PSMG2: variants seen among roughly 807,000 people sequenced by gnomAD.
The protein encoded by PSMG2 is CD40 ligand-activated specific transcript 3.
In PSMG2, 21 loss-of-function variants were observed where a neutral mutation model predicts 31.5. That is an observed-to-expected ratio of 0.67 (90% CI 0.47 to 0.96). The LOEUF is 0.96. Among genes scored for constraint, PSMG2 ranks in the 40% least tolerant of loss-of-function variants. The probability of loss-of-function intolerance (pLI) is 0.00; values close to 1 mark genes in which losing one functional copy is unlikely to be tolerated. For missense variants in PSMG2, 318 were observed against 321.2 expected (o/e 0.99, Z 0.08); for synonymous variants, 120 against 110.4 (o/e 1.09, Z -0.54).
At chr18:12,708,003 CG>C (rs1353515747) in intron 2 of PSMG2, among the ~76,000 whole-genome samples, 4 of 152,064 alleles carry the variant, frequency 2.6e-5, no homozygotes, top group African/African-American at 4.8e-5. Flanking sequence ...AATTCATGAC[CG>C]GGTGCGTTGG....
At chr18:12,715,606 A>G (rs2040369071) in intron 3 of PSMG2, among the ~76,000 whole-genome samples, 1 of 151,894 alleles carries the variant, frequency 6.6e-6, no homozygotes, top group Admixed American at 6.6e-5. Flanking sequence ...CCTGGGTTCA[A>G]GCAATTCTCT....
intron 3 of PSMG2, among the ~76,000 whole-genome samples, chr18:12,714,828 C>T (rs1339663313): frequency 6.6e-6 from 1 of 152,032 alleles, no homozygotes; most frequent in Admixed American, 6.6e-5. Flanking sequence ...GCCTCAGCCT[C>T]GCAAGCAGCT....
rs774930991 is a variant in PSMG2, at chr18:12,673,068, C to T, written c.-37+14295C>T. ...CTGTTTGTGTAAAGAAAACTGAATG[C>T]ATTTTATATTAATATTTAAACTACT... is the stretch of plus-strand genomic sequence containing the variant. On this transcript the variant is annotated intron_variant, in intron 1 of 6. Transcript: ENST00000585331. 9.1e-5 allele frequency: 92 copies of T among 1,011,996 alleles called. No homozygotes were observed. In the Middle Eastern group the frequency reaches 1.4e-3, roughly 16 times the overall value. 62.7% of individuals were successfully genotyped at this position (1,011,996 alleles called of 1,614,324 possible).
At chr18:12,686,416 T>C (rs1253953357) in intron 1 of PSMG2, 7 of 1,613,866 alleles carry the variant, frequency 4.3e-6, no homozygotes, top group Admixed American at 1.7e-5. Flanking sequence ...TGGTTTAACA[T>C]AGGAACAGAC....
rs754710632 is a variant in PSMG2, at chr18:12,720,520, C to T, written c.418C>T (p.Arg140Trp). 16 of 1,595,738 alleles carry T rather than the reference C, an allele frequency of 1.0e-5. No homozygotes were observed. The highest frequency in any genetic ancestry group is 7.2e-5 in the Admixed American group (4 of 55,378). ...TATGATTATTTCTAGTACTCCCTTC[C>T]GGTACCTACTTACACCTTCCATGCA... The part of the protein sequence containing the change: ...NDLQLRSTPF[R>W]YLLTPSMQKS... Residue 140 changes from arginine (R) to tryptophan (W), a missense_variant, in exon 5 of 7, where the codon CGG (arginine) becomes TGG (tryptophan). By Grantham distance (101) the Arg-to-Trp change is moderately radical. Coordinates refer to ENST00000317615, the MANE Select transcript of PSMG2 (RefSeq NM_020232.5).
intron 1 of PSMG2, among the ~76,000 whole-genome samples, chr18:12,689,319 A>G (rs951415922): frequency 6.6e-6 from 1 of 152,250 alleles, no homozygotes; most frequent in Admixed American, 6.5e-5. Flanking sequence ...AAATTAAATC[A>G]GCATTTTATT....
At chr18:12,717,115 A>ATT (rs113773660) in intron 3 of PSMG2, among the ~76,000 whole-genome samples, 5 of 142,008 alleles carry the variant, frequency 3.5e-5, no homozygotes, top group African/African-American at 1.0e-4. Context: ...ATGTGTAATA[A>ATT]TTTTTTTTTT....
At chr18:12,699,149 G>C, upstream of PSMG2, 1 of 1,614,054 alleles carries the variant, frequency 6.2e-7, no homozygotes, top group Middle Eastern at 1.7e-4. Context: ...TTCCAAGAAA[G>C]CTTTTCCACC....
intron 3 of PSMG2, among the ~76,000 whole-genome samples, chr18:12,716,306 T>C (rs929067340): frequency 3.3e-5 from 5 of 152,224 alleles, no homozygotes; most frequent in African/African-American, 1.2e-4. Context: ...GCCACATGGC[T>C]TTTTGTTCTC....
Position 12,721,244 on chromosome 18 carries a change from A to G in PSMG2, c.581+561A>G, listed in dbSNP as rs182683343. On this transcript the variant is annotated intron_variant, in intron 5 of 6. Coordinates refer to ENST00000317615, the MANE Select transcript of PSMG2 (RefSeq NM_020232.5). ...TGTAGAGCTCTTGCATTTAGGGGAAAGATTTAAACTTGGTTATAGAAGAAC... is the reference window on the plus strand; with the variant it reads ...TGTAGAGCTCTTGCATTTAGGGGAAGGATTTAAACTTGGTTATAGAAGAAC... Among the ~76,000 whole-genome samples, 350 of 152,328 alleles carry G rather than the reference A, an allele frequency of 2.3e-3. 3 individuals carry two copies. Among genetic ancestry groups the G allele is most frequent in the South Asian group, 0.014 (69 of 4,830 alleles).
chr18:12,689,535 A>G (rs373886011), intron 1 of PSMG2, among the ~76,000 whole-genome samples: 36 of 152,292 alleles, frequency 2.4e-4, no homozygotes, highest in African/African-American at 8.2e-4. Context: ...ATTACGTTCT[A>G]TGGTTCAAAT....
At chr18:12,703,949 G>C (rs536925298) in intron 1 of PSMG2, among the ~76,000 whole-genome samples, 32 of 152,302 alleles carry the variant, frequency 2.1e-4, no homozygotes, top group Middle Eastern at 3.4e-3. Flanking sequence ...CATTGAGAGA[G>C]AATAGGCTGT....
intron 1 of PSMG2, among the ~76,000 whole-genome samples, chr18:12,703,686 A>G (rs931655734): frequency 1.3e-5 from 2 of 152,234 alleles, no homozygotes; most frequent in Non-Finnish European, 2.9e-5. Context: ...TTTACACTGT[A>G]GTTGGAAACA....
chr18:12,678,421 A>T, intron 1 of PSMG2: 1 of 1,612,834 alleles, frequency 6.2e-7, no homozygotes, highest in Non-Finnish European at 8.5e-7. Flanking sequence ...GTTCATCAGG[A>T]TTGGTAGGTT....
chr18:12,712,003 T>C (rs11080592), intron 2 of PSMG2, among the ~76,000 whole-genome samples: 71,122 of 151,832 alleles, frequency 0.47, 17,360 homozygotes, highest in Non-Finnish European at 0.56. Flanking sequence ...GTGATCCACC[T>C]GCCTCAGCCT....
At chr18:12,669,160 T>C (rs562906831) in intron 1 of PSMG2, among the ~76,000 whole-genome samples, 45 of 147,280 alleles carry the variant, frequency 3.1e-4, no homozygotes, top group Admixed American at 1.2e-3. Context: ...TTTCCCAAGC[T>C]GGAGTGCAGT....
rs369949885 is a variant in PSMG2 at position 12,691,952 on chromosome 18, C to T, written c.-36-14598C>T. Reference sequence around the variant, plus strand: ...GTCAAGCTAGTCTTGAACTCCTGAGCTCATGATCCGCCCGCCTTGGCCTCC... The same window carrying T: ...GTCAAGCTAGTCTTGAACTCCTGAGTTCATGATCCGCCCGCCTTGGCCTCC... On this transcript the variant is annotated intron_variant, in intron 1 of 6. Coordinates refer to the PSMG2 transcript ENST00000585331. Among the ~76,000 whole-genome samples, 36 of 152,186 alleles carry T rather than the reference C, an allele frequency of 2.4e-4. 1 individual carries two copies. The East Asian group carries it at 5.1e-3, about 21-fold the overall frequency.
At chr18:12,710,905 GC>G (rs1412698305) in intron 2 of PSMG2, among the ~76,000 whole-genome samples, 4 of 152,098 alleles carry the variant, frequency 2.6e-5, no homozygotes, top group Admixed American at 2.0e-4. Context: ...TTCGAGACCA[GC>G]CTGGGTAACA....
At chr18:12,681,446 T>G (rs2039347259) in intron 1 of PSMG2, among the ~76,000 whole-genome samples, 1 of 151,846 alleles carries the variant, frequency 6.6e-6, no homozygotes. Flanking sequence ...ACAGGGGTCT[T>G]ACTGTGTTAC....
Sources: gnomAD v4.1 joint callset for allele counts (sites outside exome capture counted in the v4.1 genomes callset) on GRCh38, gnomAD v4.1.1 for gene constraint, MANE v1.5 for transcripts, NCBI Gene and HGNC (gene_info 2026-07-23, HGNC 2026-07-21) for gene names.